The following LOC400499 variants were observed in gnomAD, a reference collection of about 807,000 sequenced individuals.
chr16:11,419,052 G>T, the LOC400499 span, among the ~76,000 whole-genome samples: 2,517 of 152,238 alleles, frequency 0.017, 75 homozygotes, highest in African/African-American at 0.057. Flanking sequence ...TATAATCCCA[G>T]TTACTCAGGA....
the LOC400499 span, among the ~76,000 whole-genome samples, chr16:11,460,258 G>A: frequency 0.27 from 40,846 of 151,958 alleles, 5,857 homozygotes; most frequent in Admixed American, 0.42. Flanking sequence ...GTACAGTGGC[G>A]CCATCTTTGC....
chr16:11,439,222 T>C, the LOC400499 span, among the ~76,000 whole-genome samples: 1 of 152,200 alleles, frequency 6.6e-6, no homozygotes, highest in South Asian at 2.1e-4. Context: ...AGGAAAACTC[T>C]GCTTCTGCCC....
the LOC400499 span, chr16:11,448,893 G>T: frequency 2.1e-6 from 3 of 1,434,576 alleles, no homozygotes; most frequent in African/African-American, 1.4e-5. Context: ...TGGTCTCTTG[G>T]CTGCACGGGC....
the LOC400499 span, chr16:11,441,013 C>G: frequency 2.5e-6 from 1 of 398,966 alleles, no homozygotes; most frequent in Non-Finnish European, 4.4e-6. Flanking sequence ...TGATGCAAAC[C>G]CTTCAAGTGC....
chr16:11,432,633 C>T, the LOC400499 span, among the ~76,000 whole-genome samples: 1 of 152,180 alleles, frequency 6.6e-6, no homozygotes, highest in African/African-American at 2.4e-5. Context: ...TGCTGTTAAA[C>T]TTGCTGGAAA....
the LOC400499 span, chr16:11,518,953 C>A: frequency 2.5e-6 from 1 of 399,030 alleles, no homozygotes; most frequent in Non-Finnish European, 4.4e-6. Context: ...GGATGGATGT[C>A]ACCTGGAAGT....
At chr16:11,469,421 C>G in the LOC400499 span, 1 of 398,892 alleles carries the variant, frequency 2.5e-6, no homozygotes, top group Non-Finnish European at 4.4e-6. Flanking sequence ...CACAGACAAA[C>G]CTATAAGCCA....
the LOC400499 span, among the ~76,000 whole-genome samples, chr16:11,490,590 A>G: frequency 9.2e-5 from 14 of 152,168 alleles, no homozygotes; most frequent in East Asian, 2.7e-3. Flanking sequence ...AGTCCTAGCT[A>G]CTTGGGAGGC....
the LOC400499 span, among the ~76,000 whole-genome samples, chr16:11,380,506 A>G: frequency 6.6e-6 from 1 of 152,162 alleles, no homozygotes; most frequent in African/African-American, 2.4e-5. Flanking sequence ...AGCCTGAAGG[A>G]CAGAGCAGAG....
chr16:11,406,384 CCA>C, the LOC400499 span, among the ~76,000 whole-genome samples: 1 of 152,126 alleles, frequency 6.6e-6, no homozygotes, highest in Non-Finnish European at 1.5e-5. Context: ...TGTATATATA[CCA>C]CAGTCTCTTT....
chr16:11,441,116 T>G, the LOC400499 span: 33 of 398,802 alleles, frequency 8.3e-5, no homozygotes, highest in Non-Finnish European at 1.3e-5. Flanking sequence ...AGAGGTCTCA[T>G]CCCATCTCTA....
chr16:11,486,155 G>A, the LOC400499 span, among the ~76,000 whole-genome samples: 2 of 150,194 alleles, frequency 1.3e-5, no homozygotes, highest in Non-Finnish European at 1.5e-5. Context: ...AATGAATGAT[G>A]GCTGGATAGA....
the LOC400499 span, among the ~76,000 whole-genome samples, chr16:11,449,736 C>T: frequency 1.3e-5 from 2 of 152,260 alleles, no homozygotes; most frequent in Non-Finnish European, 2.9e-5. Flanking sequence ...TCCCCACCAT[C>T]AACTTCCCCA....
the LOC400499 span, chr16:11,515,787 G>A: frequency 5.0e-6 from 2 of 403,488 alleles, no homozygotes; most frequent in South Asian, 1.2e-4. Flanking sequence ...AGGAGGAAAA[G>A]GGAGGAGGAG....
At chr16:11,440,941 G>T in the LOC400499 span, 7 of 399,104 alleles carry the variant, frequency 1.8e-5, no homozygotes, top group African/African-American at 1.0e-4. Flanking sequence ...ACCCATACCT[G>T]GTAGGAATGG....
the LOC400499 span, among the ~76,000 whole-genome samples, chr16:11,426,681 C>T: frequency 6.6e-6 from 1 of 151,086 alleles, no homozygotes; most frequent in Non-Finnish European, 1.5e-5. Context: ...GTAATCCCAG[C>T]ACTTTGGGAA....
At chr16:11,483,126 T>C in the LOC400499 span, among the ~76,000 whole-genome samples, 3 of 152,304 alleles carry the variant, frequency 2.0e-5, no homozygotes, top group African/African-American at 7.2e-5. Flanking sequence ...AACGCATTAT[T>C]AGAATGGCTA....
chr16:11,450,744 G>T, the LOC400499 span: 1 of 1,536,184 alleles, frequency 6.5e-7, no homozygotes, highest in South Asian at 1.2e-5. Flanking sequence ...GGACAGCCTG[G>T]AACACAGCTC....
chr16:11,460,006 C>T, the LOC400499 span: 1 of 1,500,682 alleles, frequency 6.7e-7, no homozygotes, highest in Non-Finnish European at 8.9e-7. Context: ...TAGCTCACCT[C>T]CAGCTGTGAG....
Sources: allele counts gnomAD v4.1 joint callset (sites outside exome capture counted in the v4.1 genomes callset), GRCh38; gene constraint gnomAD v4.1.1; transcripts MANE v1.5.